CCDC3: variants seen among roughly 807,000 people sequenced by gnomAD.
The protein encoded by CCDC3 is coiled-coil domain containing 3.
Under a neutral mutation model 21.4 loss-of-function variants are expected in CCDC3, and 24 were observed. The observed-to-expected ratio is 1.12, with a 90% confidence interval of 0.81 to 1.58. The LOEUF (loss-of-function observed/expected upper bound fraction) is 1.58, where lower values mean the gene tolerates loss of function less well. Ranked by LOEUF, CCDC3 falls within the 40% of genes most tolerant of loss-of-function variation. The probability of loss-of-function intolerance (pLI) is 0.00; values close to 1 mark genes in which losing one functional copy is unlikely to be tolerated. For missense variants in CCDC3, 425 were observed against 360.9 expected (o/e 1.18, Z -1.44); for synonymous variants, 186 against 166.0 (o/e 1.12, Z -0.93).
chr10:12,992,651 G>A (rs1245480731), intron 2 of CCDC3, among the ~76,000 whole-genome samples: 2 of 152,066 alleles, frequency 1.3e-5, no homozygotes. Flanking sequence ...GGGACTCGGT[G>A]GGAAGGGTGG....
chr10:13,025,042 A>G (rs988572175), intron 5 of CCDC3, among the ~76,000 whole-genome samples: 9 of 152,196 alleles, frequency 5.9e-5, no homozygotes, highest in African/African-American at 2.2e-4. Flanking sequence ...TGCATAACAA[A>G]CCATCCCCAA....
rs778120027 is a variant in CCDC3 at position 12,998,485 on chromosome 10, A to T, written c.402T>A (p.Pro134=). The change falls in exon 2 of 3, where the codon CCT becomes CCA. Residue 134 remains proline, a synonymous_variant. Transcript: ENST00000378825. The part of the protein sequence containing the change: ...LRMDENYNLL[P]HGVNFQDAIF... Reference sequence around the variant, plus strand: ...TGGCATCTTGGAAATTGACTCCGTGAGGCAAGAGGTTATAATTTTCATCCA... The same window carrying T: ...TGGCATCTTGGAAATTGACTCCGTGTGGCAAGAGGTTATAATTTTCATCCA... The T allele has an allele frequency of 6.2e-7, 1 of 1,614,126 alleles. No homozygotes were observed. The highest frequency in any genetic ancestry group is 1.1e-5 in the South Asian group (1 of 91,070).
chr10:13,050,179 G>A (rs1001293155), intron 4 of CCDC3, among the ~76,000 whole-genome samples: 2 of 152,178 alleles, frequency 1.3e-5, no homozygotes, highest in African/African-American at 2.4e-5. Flanking sequence ...TCTTTGCTGT[G>A]GCCGTGGGTG....
At chr10:12,997,354 G>T (rs1431178950) in intron 2 of CCDC3, among the ~76,000 whole-genome samples, 4 of 152,184 alleles carry the variant, frequency 2.6e-5, no homozygotes, top group African/African-American at 9.7e-5. Flanking sequence ...GAAGAGATGG[G>T]TCACAGCCCC....
intron 3 of CCDC3, among the ~76,000 whole-genome samples, chr10:13,082,332 G>A (rs1433162150): frequency 6.6e-6 from 1 of 152,256 alleles, no homozygotes; most frequent in African/African-American, 2.4e-5. Flanking sequence ...GGCGGAGAGA[G>A]AGGACACAGC....
Position 12,961,987 on chromosome 10 carries a change from G to A in CCDC3, c.549+36351C>T, listed in dbSNP as rs1008082228. On this transcript the variant is annotated intron_variant, in intron 2 of 2. Transcript: ENST00000378825. ...TGCTAAGTGCCAAGCCAGACAGATG[G>A]GCAAACATCACATTTTATGAGATTG... Among the ~76,000 whole-genome samples the A allele has an allele frequency of 4.6e-5, 7 of 152,236 alleles. No individual in the cohort carries two copies. The South Asian group carries it at 1.5e-3, about 32-fold the overall frequency.
chr10:13,051,420 C>G (rs190632897), intron 4 of CCDC3, among the ~76,000 whole-genome samples: 47 of 152,288 alleles, frequency 3.1e-4, no homozygotes, highest in Non-Finnish European at 6.2e-4. Context: ...TTTTGGGCTT[C>G]AACTGTCAGC....
At chr10:12,999,237 T>C (rs1835810319) in intron 1 of CCDC3, among the ~76,000 whole-genome samples, 1 of 152,054 alleles carries the variant, frequency 6.6e-6, no homozygotes, top group African/African-American at 2.4e-5. Flanking sequence ...TGAGACGCCA[T>C]CTCAAAAAAA....
intron 4 of CCDC3, among the ~76,000 whole-genome samples, chr10:13,063,340 T>C (rs1348096406): frequency 1.9e-5 from 2 of 106,132 alleles, no homozygotes; most frequent in Non-Finnish European, 4.2e-5. Context: ...TTTTCCATCC[T>C]CTATTTGATT....
rs114009783 is a variant in CCDC3 at position 12,999,233 on chromosome 10, G to A, written c.375-721C>T. On this transcript the variant is annotated intron_variant, in intron 1 of 2. Coordinates refer to ENST00000378825, the MANE Select transcript of CCDC3 (RefSeq NM_031455.4). ...CCAGCCTGGGTGACAAGAGTGAGAC[G>A]CCATCTCAAAAAAAGAACATATATA... Among the ~76,000 whole-genome samples the A allele has an allele frequency of 2.2e-3, 328 of 152,098 alleles. 1 individual carries two copies. The highest frequency in any genetic ancestry group is 7.5e-3 in the African/African-American group (312 of 41,504).
intron 2 of CCDC3, among the ~76,000 whole-genome samples, chr10:12,919,043 A>G (rs1418261590): frequency 6.6e-6 from 1 of 152,160 alleles, no homozygotes; most frequent in Non-Finnish European, 1.5e-5. Context: ...GTGACAGAGC[A>G]AGACCCCATC....
intron 5 of CCDC3, among the ~76,000 whole-genome samples, chr10:13,038,244 G>A (rs1393232484): frequency 6.6e-6 from 1 of 152,110 alleles, no homozygotes; most frequent in Non-Finnish European, 1.5e-5. Context: ...ATCAGGAAGA[G>A]TAGTTAATGG....
At chr10:13,045,321 A>C (rs1836509815) in intron 5 of CCDC3, among the ~76,000 whole-genome samples, 1 of 152,214 alleles carries the variant, frequency 6.6e-6, no homozygotes, top group African/African-American at 2.4e-5. Context: ...TTAATATGCA[A>C]TTTATCAAAA....
chr10:12,963,579 G>GT (rs10588443), intron 2 of CCDC3, among the ~76,000 whole-genome samples: 1 of 90,104 alleles, frequency 1.1e-5, no homozygotes, highest in East Asian at 3.2e-4. Context: ...TGTTTTCCGG[G>GT]TTTTTTTTTT....
Position 12,898,415 on chromosome 10 carries a change from G to C in CCDC3, c.*1C>G, listed in dbSNP as rs750437666. On this transcript the variant is annotated 3_prime_UTR_variant, in exon 3 of 3. Transcript: ENST00000378825. The stretch of plus-strand genomic sequence containing the variant: ...TGCACACCTGGCAGCCCCCAGGCCC[G>C]TTACCCCCGCAGGTAGGGGGGGCGC... 3.1e-6 allele frequency: 5 copies of C among 1,594,714 alleles called. No individual in the cohort carries two copies. Among genetic ancestry groups the C allele is most frequent in the Non-Finnish European group, 4.3e-6 (5 of 1,168,884 alleles).
At chr10:13,021,768 T>C (rs907873269) in intron 5 of CCDC3, among the ~76,000 whole-genome samples, 2 of 152,218 alleles carry the variant, frequency 1.3e-5, no homozygotes, top group Admixed American at 1.3e-4. Flanking sequence ...TTTTTGTTTG[T>C]TTGTTTGTTT....
At chr10:13,059,974 C>T (rs1836734493) in intron 4 of CCDC3, among the ~76,000 whole-genome samples, 1 of 152,052 alleles carries the variant, frequency 6.6e-6, no homozygotes, top group South Asian at 2.1e-4. Context: ...ATCCCAGCTA[C>T]TTGGGAGGCT....
intron 4 of CCDC3, among the ~76,000 whole-genome samples, chr10:13,059,545 C>T (rs1836727411): frequency 6.6e-6 from 1 of 152,066 alleles, no homozygotes; most frequent in African/African-American, 2.4e-5. Flanking sequence ...AGGTAGACAG[C>T]GAGAGATGGG....
intron 2 of CCDC3, among the ~76,000 whole-genome samples, chr10:12,963,416 C>T (rs927629882): frequency 2.6e-5 from 4 of 152,176 alleles, no homozygotes; most frequent in Non-Finnish European, 5.9e-5. Flanking sequence ...CAAATACACA[C>T]ATAGCACTTC....
Sources: allele counts gnomAD v4.1 joint callset (sites outside exome capture counted in the v4.1 genomes callset), GRCh38; gene constraint gnomAD v4.1.1; transcripts MANE v1.5; gene names NCBI Gene and HGNC (gene_info 2026-07-23, HGNC 2026-07-21).